The following ASIC2 variants were observed in gnomAD, a reference collection of about 807,000 sequenced individuals.
ASIC2 encodes the protein acid sensing ion channel subunit 2.
A neutral mutation model predicts 57.3 loss-of-function variants in ASIC2; 25 were observed. The observed-to-expected ratio is 0.44, with a 90% CI of 0.32 to 0.61. ASIC2 has a LOEUF of 0.61. Among genes scored for constraint, ASIC2 ranks in the 20% least tolerant of loss-of-function variants. The pLI is 0.06. For missense variants in ASIC2, 641 were observed against 738.1 expected (o/e 0.87, Z 1.52); for synonymous variants, 319 against 307.5 (o/e 1.04, Z -0.39).
intron 4 of ASIC2, among the ~76,000 whole-genome samples, chr17:33,027,598 G>A (rs1292224414): frequency 1.3e-5 from 2 of 152,216 alleles, no homozygotes; most frequent in Non-Finnish European, 2.9e-5. Context: ...CGTGAGAACA[G>A]AGAGGTTTAG....
intron 1 of ASIC2, among the ~76,000 whole-genome samples, chr17:33,670,715 T>C (rs1907613721): frequency 6.6e-6 from 1 of 152,258 alleles, no homozygotes; most frequent in African/African-American, 2.4e-5. Flanking sequence ...AAAATACTTC[T>C]GCAAGTTTCC....
intron 1 of ASIC2, among the ~76,000 whole-genome samples, chr17:33,440,828 C>T (rs749658330): frequency 6.6e-6 from 1 of 152,142 alleles, no homozygotes; most frequent in Middle Eastern, 3.4e-3. Flanking sequence ...TTCTTGTAAT[C>T]GAGTTATAAG....
intron 1 of ASIC2, among the ~76,000 whole-genome samples, chr17:33,429,256 C>T (rs904716276): frequency 6.6e-6 from 1 of 152,148 alleles, no homozygotes; most frequent in Non-Finnish European, 1.5e-5. Context: ...TTCTTGTTCT[C>T]AAGGAGCTTT....
chr17:33,297,493 T>C (rs1905764993), upstream of ASIC2, among the ~76,000 whole-genome samples: 1 of 152,156 alleles, frequency 6.6e-6, no homozygotes, highest in Non-Finnish European at 1.5e-5. Flanking sequence ...TTAGGGCTGT[T>C]ATGCAAATGG....
At chr17:33,391,390 G>A (rs1338942178) in intron 1 of ASIC2, among the ~76,000 whole-genome samples, 2 of 152,196 alleles carry the variant, frequency 1.3e-5, no homozygotes, top group Admixed American at 6.5e-5. Flanking sequence ...TCTTGGTCAA[G>A]CATTCAATCA....
In ASIC2 at chr17:33,317,400, A is replaced by G. The variant is rs375338553; in HGVS notation, c.556-205333T>C. 5.6e-4 allele frequency among the ~76,000 whole-genome samples: 85 copies of G among 152,274 alleles called. 1 individual carries two copies. Among genetic ancestry groups the G allele is most frequent in the African/African-American group, 2.0e-3 (84 of 41,546 alleles). On this transcript the variant is annotated intron_variant, in intron 1 of 9. Coordinates refer to the ASIC2 transcript ENST00000359872. The stretch of plus-strand genomic sequence containing the variant: ...GTGAGCATCTCCTGTGCCATTCTTC[A>G]TTGCTTATACTTGCATTGTCAACAT...
intron 1 of ASIC2, among the ~76,000 whole-genome samples, chr17:33,424,965 C>T (rs1236454470): frequency 6.6e-6 from 1 of 152,124 alleles, no homozygotes; most frequent in Non-Finnish European, 1.5e-5. Context: ...AGATTTTTCA[C>T]TAAATGAGGA....
intron 1 of ASIC2, among the ~76,000 whole-genome samples, chr17:33,784,123 T>C (rs1911537578): frequency 6.6e-6 from 1 of 152,152 alleles, no homozygotes; most frequent in South Asian, 2.1e-4. Context: ...TGCTGTGAAG[T>C]TAGGGAGCCC....
At chr17:33,505,733 T>C (rs532593756) in intron 1 of ASIC2, among the ~76,000 whole-genome samples, 6 of 152,330 alleles carry the variant, frequency 3.9e-5, no homozygotes, top group African/African-American at 1.4e-4. Flanking sequence ...CCGATCTCTC[T>C]GCCCGGATCG....
At chr17:33,780,410 G>A (rs1003746408) in intron 1 of ASIC2, among the ~76,000 whole-genome samples, 5 of 152,094 alleles carry the variant, frequency 3.3e-5, no homozygotes, top group Non-Finnish European at 5.9e-5. Context: ...GTGTTCCCTA[G>A]CCCACAAGCA....
intron 1 of ASIC2, among the ~76,000 whole-genome samples, chr17:33,327,562 T>A (rs1735358069): frequency 6.6e-6 from 1 of 152,216 alleles, no homozygotes; most frequent in African/African-American, 2.4e-5. Context: ...TCAGAATGAA[T>A]GTGACCAATT....
At chr17:33,979,278 C>T (rs1471776880) in intron 1 of ASIC2, among the ~76,000 whole-genome samples, 1 of 152,156 alleles carries the variant, frequency 6.6e-6, no homozygotes, top group Non-Finnish European at 1.5e-5. Flanking sequence ...TCCTTCCTTC[C>T]TGCATGAGAC....
chr17:33,957,980 T>C (rs903387640), intron 1 of ASIC2, among the ~76,000 whole-genome samples: 2 of 152,152 alleles, frequency 1.3e-5, no homozygotes, highest in Admixed American at 1.3e-4. Context: ...AAGGGAGAAA[T>C]TGGCCTAAAC....
intron 1 of ASIC2, among the ~76,000 whole-genome samples, chr17:33,489,350 A>C (rs1913677684): frequency 6.6e-6 from 1 of 152,216 alleles, no homozygotes; most frequent in Non-Finnish European, 1.5e-5. Flanking sequence ...CCTGAGGCTC[A>C]AAGAAGTGAA....
chr17:33,801,806 G>A (rs1912140814), intron 1 of ASIC2, among the ~76,000 whole-genome samples: 1 of 152,136 alleles, frequency 6.6e-6, no homozygotes, highest in South Asian at 2.1e-4. Flanking sequence ...CTAAAATCTA[G>A]TTCCTCATTT....
chr17:33,690,907 G>A (rs1449825648), intron 1 of ASIC2, among the ~76,000 whole-genome samples: 3 of 151,566 alleles, frequency 2.0e-5, no homozygotes, highest in Non-Finnish European at 4.4e-5. Flanking sequence ...CTGCCACCAC[G>A]CCTGGCTAAT....
In ASIC2 at chr17:33,197,414, C is replaced by T. The variant is rs376028848; in HGVS notation, c.709-85347G>A. Among the ~76,000 whole-genome samples, 65 of 152,358 alleles carry T rather than the reference C, an allele frequency of 4.3e-4. 1 individual carries two copies. Among genetic ancestry groups the T allele is most frequent in the Middle Eastern group, 6.8e-3 (2 of 294 alleles). On this transcript the variant is annotated intron_variant, in intron 1 of 9. Coordinates refer to ENST00000225823, the MANE Select transcript of ASIC2 (RefSeq NM_183377.2). ...TCCAGGGTGTTTCTCTGATCCTCTT[C>T]CATCTGTACCCTTCCTTACAGGAAG... is the stretch of plus-strand genomic sequence containing the variant.
At chr17:33,640,205 G>T (rs1457803342) in intron 1 of ASIC2, among the ~76,000 whole-genome samples, 2 of 152,072 alleles carry the variant, frequency 1.3e-5, no homozygotes, top group Non-Finnish European at 2.9e-5. Context: ...AGGGAGAGGC[G>T]GGAAAGAGAG....
At chr17:33,438,242 A>G (rs1462309947) in intron 1 of ASIC2, among the ~76,000 whole-genome samples, 3 of 152,218 alleles carry the variant, frequency 2.0e-5, no homozygotes, top group African/African-American at 7.2e-5. Context: ...CTTCCTTTAA[A>G]TAGTAGCTTG....
Sources: allele counts gnomAD v4.1 joint callset (sites outside exome capture counted in the v4.1 genomes callset), GRCh38; gene constraint gnomAD v4.1.1; transcripts MANE v1.5; gene names NCBI Gene and HGNC (gene_info 2026-07-23, HGNC 2026-07-21).